The following FRAS1 variants were observed in gnomAD, a reference collection of about 807,000 sequenced individuals.
FRAS1 encodes the protein Fraser extracellular matrix complex subunit 1, also known as extracellular matrix organizing protein FRAS1.
A neutral mutation model predicts 435.2 loss-of-function variants in FRAS1; 290 were observed. The ratio of observed to expected loss-of-function variants is 0.67; its 90% CI spans 0.61 to 0.73. FRAS1 has a LOEUF of 0.73. FRAS1 is among the 30% of genes least tolerant of loss of function. The probability of loss-of-function intolerance (pLI) is 0.00; values close to 1 mark genes in which losing one functional copy is unlikely to be tolerated. For missense variants in FRAS1, 4,860 were observed against 5,001.5 expected, an observed-to-expected ratio of 0.97 and a Z score of 0.85; for synonymous variants, 1,800 against 1,851.0, an observed-to-expected ratio of 0.97 and a Z score of 0.71.
chr4:78,098,830 G>C (rs920006276), intron 2 of FRAS1, among the ~76,000 whole-genome samples: 4 of 152,204 alleles, frequency 2.6e-5, no homozygotes, highest in African/African-American at 9.7e-5. Flanking sequence ...TAATATTACT[G>C]AGTGAATATC....
chr4:78,316,100 A>G (rs1249056889), intron 16 of FRAS1, among the ~76,000 whole-genome samples: 1 of 152,266 alleles, frequency 6.6e-6, no homozygotes, highest in Non-Finnish European at 1.5e-5. Context: ...GGCAACTACA[A>G]CACACCACAA....
At chr4:78,128,115 G>A (rs191403499) in intron 2 of FRAS1, among the ~76,000 whole-genome samples, 1 of 151,984 alleles carries the variant, frequency 6.6e-6, no homozygotes, top group Non-Finnish European at 1.5e-5. Flanking sequence ...GTATTCCGTG[G>A]TGTATATGTG....
intron 54 of FRAS1, 91 bp from the exon 55 acceptor site, chr4:78,477,724 A>T: frequency 1.3e-6 from 2 of 1,485,388 alleles, no homozygotes; most frequent in Non-Finnish European, 1.8e-6. Context: ...TGCCCACTGG[A>T]CTTGGATGCT....
intron 29 of FRAS1, among the ~76,000 whole-genome samples, chr4:78,389,148 C>T (rs899287501): frequency 7.2e-5 from 11 of 152,328 alleles, no homozygotes; most frequent in East Asian, 3.9e-4. Flanking sequence ...CAAAGGGACA[C>T]GAAAAACATT....
rs1206139578 is a variant in FRAS1, at chr4:78,409,422, A to G, written c.4308+1581A>G. 2.0e-5 allele frequency among the ~76,000 whole-genome samples: 3 copies of G among 152,310 alleles called. No individual in the cohort carries two copies. In the East Asian group the frequency reaches 5.8e-4, roughly 29 times the overall value. ...GGCCTTAAGCTCTTATTATTGAGCA[A>G]GAAAGCATTAAAATACGTGGACAAA... On this transcript the variant is annotated intron_variant, in intron 31 of 73. Coordinates refer to ENST00000512123, the MANE Select transcript of FRAS1 (RefSeq NM_025074.7).
At chr4:78,242,959 C>T (rs1454896) in intron 3 of FRAS1, among the ~76,000 whole-genome samples, 40,958 of 151,986 alleles carry the variant, frequency 0.27, 5,867 homozygotes, top group South Asian at 0.5. Flanking sequence ...GAAAGACAGA[C>T]AGACAGAAAA....
At chr4:78,301,627 G>A (rs1261401750) in intron 14 of FRAS1, among the ~76,000 whole-genome samples, 1 of 152,146 alleles carries the variant, frequency 6.6e-6, no homozygotes, top group Non-Finnish European at 1.5e-5. Flanking sequence ...GATTCTGATG[G>A]TGCTGCAGGT....
At chr4:78,092,383 G>A (rs1315190397) in intron 2 of FRAS1, among the ~76,000 whole-genome samples, 2 of 152,172 alleles carry the variant, frequency 1.3e-5, no homozygotes, top group African/African-American at 4.8e-5. Flanking sequence ...AGTTCCACAT[G>A]GCTGAGGAGG....
chr4:78,338,411 C>T (rs888070853), intron 20 of FRAS1, among the ~76,000 whole-genome samples: 2 of 151,980 alleles, frequency 1.3e-5, no homozygotes, highest in African/African-American at 4.8e-5. Flanking sequence ...TTTTGAGTGC[C>T]TACTAATGGT....
At chr4:78,409,485 C>T (rs1192249604) in intron 31 of FRAS1, among the ~76,000 whole-genome samples, 1 of 151,802 alleles carries the variant, frequency 6.6e-6, no homozygotes, top group African/African-American at 2.4e-5. Context: ...GCAAGGGAAA[C>T]CTAAGGAAAG....
intron 32 of FRAS1, among the ~76,000 whole-genome samples, chr4:78,414,165 A>C (rs1285639775): frequency 6.6e-6 from 1 of 152,254 alleles, no homozygotes; most frequent in East Asian, 1.9e-4. Flanking sequence ...TAATTTAAAG[A>C]AATCATAATT....
At chr4:78,234,424 G>T (rs1449226798) in intron 2 of FRAS1, among the ~76,000 whole-genome samples, 2 of 151,876 alleles carry the variant, frequency 1.3e-5, no homozygotes, top group Admixed American at 1.3e-4. Flanking sequence ...ACGGGGTTTC[G>T]CTGTGTTAGC....
chr4:78,239,218 C>T (rs540886695), intron 3 of FRAS1, among the ~76,000 whole-genome samples: 26 of 152,130 alleles, frequency 1.7e-4, no homozygotes, highest in Non-Finnish European at 3.8e-4. Context: ...TAATTTTTCT[C>T]ATCTTGGTAA....
At chr4:78,389,149 G>A (rs749730571) in intron 29 of FRAS1, among the ~76,000 whole-genome samples, 14 of 152,244 alleles carry the variant, frequency 9.2e-5, no homozygotes, top group Non-Finnish European at 1.8e-4. Flanking sequence ...AAAGGGACAC[G>A]AAAAACATTT....
chr4:78,225,835 T>A (rs1035539768), intron 2 of FRAS1, among the ~76,000 whole-genome samples: 2 of 152,234 alleles, frequency 1.3e-5, no homozygotes, highest in African/African-American at 4.8e-5. Context: ...TGTTATTGGA[T>A]CCACTGCTTT....
At chr4:78,201,013 C>G in intron 2 of FRAS1, among the ~76,000 whole-genome samples, 1 of 151,240 alleles carries the variant, frequency 6.6e-6, no homozygotes, top group South Asian at 2.1e-4. Context: ...CTTCCTTTCT[C>G]TTCAACATAA....
chr4:78,103,420 T>A lies in FRAS1; in HGVS notation c.108+37404T>A, dbSNP rs1034088185. Among the ~76,000 whole-genome samples the A allele has an allele frequency of 2.0e-5, 3 of 152,192 alleles. No individual in the cohort carries two copies. The East Asian group carries it at 5.8e-4, about 29-fold the overall frequency. ...AGCTCACAACTGTTCCTCATAGTTT[T>A]CTTCCTCCTCAGAGGTGGGGTGTGG... On this transcript the variant is annotated intron_variant, in intron 2 of 73. Transcript: ENST00000512123.
chr4:78,117,230 G>A (rs59584338), intron 2 of FRAS1, among the ~76,000 whole-genome samples: 9,157 of 152,202 alleles, frequency 0.06, 750 homozygotes, highest in African/African-American at 0.18. Context: ...TCCCTTTGTG[G>A]GTAACCTGAC....
chr4:78,110,359 G>A (rs1362250947), intron 2 of FRAS1, among the ~76,000 whole-genome samples: 3 of 128,346 alleles, frequency 2.3e-5, no homozygotes, highest in African/African-American at 9.5e-5. Context: ...TATAATACAA[G>A]GCTACAGTAA....
Sources: gnomAD v4.1 joint callset for allele counts (sites outside exome capture counted in the v4.1 genomes callset) on GRCh38, gnomAD v4.1.1 for gene constraint, MANE v1.5 for transcripts, NCBI Gene and HGNC (gene_info 2026-07-23, HGNC 2026-07-21) for gene names.